UBE2N: variants seen among roughly 807,000 people sequenced by gnomAD.
The protein encoded by UBE2N is ubiquitin-conjugating enzyme E2 N.
For missense variants in UBE2N, 60 were observed against 192.1 expected (o/e 0.31, Z 4.07); for synonymous variants, 70 against 69.2 (o/e 1.01, Z -0.06).
intron 1 of UBE2N, among the ~76,000 whole-genome samples, chr12:93,436,076 A>G (rs1878926123): frequency 6.6e-6 from 1 of 152,098 alleles, no homozygotes; most frequent in African/African-American, 2.4e-5. Context: ...CTTTTTCCCA[A>G]GACTGTATTT....
At chr12:93,420,889 T>C (rs1169587505) in intron 1 of UBE2N, among the ~76,000 whole-genome samples, 1 of 152,116 alleles carries the variant, frequency 6.6e-6, no homozygotes, top group Non-Finnish European at 1.5e-5. Flanking sequence ...ATAGTCTGTG[T>C]ATATTTTCCT....
chr12:93,440,193 T>G (rs554474735), intron 1 of UBE2N, among the ~76,000 whole-genome samples: 1 of 152,206 alleles, frequency 6.6e-6, no homozygotes, highest in Non-Finnish European at 1.5e-5. Flanking sequence ...ACAAGGATAT[T>G]TGATGTATGG....
chr12:93,413,299 T>C (rs1371367804), intron 1 of UBE2N, among the ~76,000 whole-genome samples: 1 of 152,198 alleles, frequency 6.6e-6, no homozygotes, highest in African/African-American at 2.4e-5. Flanking sequence ...AGTTTCCTTG[T>C]TGGTTTCTTC....
At chr12:93,420,093 A>C (rs1362346025) in intron 1 of UBE2N, among the ~76,000 whole-genome samples, 1 of 152,246 alleles carries the variant, frequency 6.6e-6, no homozygotes, top group Non-Finnish European at 1.5e-5. Flanking sequence ...CTTAGGTGGC[A>C]GATTCAGAGA....
At chr12:93,412,810 G>C (rs977282720) in intron 1 of UBE2N, among the ~76,000 whole-genome samples, 2 of 152,246 alleles carry the variant, frequency 1.3e-5, no homozygotes, top group Non-Finnish European at 1.5e-5. Context: ...AAGAGGAACA[G>C]GCTATGACCT....
At chr12:93,429,652 C>G (rs1004107604) in intron 1 of UBE2N, among the ~76,000 whole-genome samples, 1 of 151,752 alleles carries the variant, frequency 6.6e-6, no homozygotes, top group Non-Finnish European at 1.5e-5. Context: ...CAGGAGATGA[C>G]AGCTCCATGT....
intron 1 of UBE2N, among the ~76,000 whole-genome samples, chr12:93,433,836 G>T (rs1878841864): frequency 6.6e-6 from 1 of 152,114 alleles, no homozygotes; most frequent in Non-Finnish European, 1.5e-5. Flanking sequence ...CATACAACTT[G>T]AATCTGTAGC....
At chr12:93,416,419 G>C (rs1009021950) in intron 1 of UBE2N, among the ~76,000 whole-genome samples, 6 of 151,910 alleles carry the variant, frequency 3.9e-5, no homozygotes, top group Admixed American at 3.9e-4. Flanking sequence ...AAGAAGTAAA[G>C]GGCTAAAATT....
At chr12:93,426,384 T>C (rs1252547550) in intron 1 of UBE2N, among the ~76,000 whole-genome samples, 1 of 113,514 alleles carries the variant, frequency 8.8e-6, no homozygotes, top group African/African-American at 3.8e-5. Context: ...TATGTGAAAC[T>C]GCATCCAAAA....
At chr12:93,436,006 C>T (rs974733153) in intron 1 of UBE2N, among the ~76,000 whole-genome samples, 2 of 152,126 alleles carry the variant, frequency 1.3e-5, no homozygotes, top group African/African-American at 4.8e-5. Flanking sequence ...AATTCTAATT[C>T]CAGCAGGTTG....
chr12:93,436,734 T>C (rs1878945812), intron 1 of UBE2N, among the ~76,000 whole-genome samples: 1 of 152,182 alleles, frequency 6.6e-6, no homozygotes, highest in Non-Finnish European at 1.5e-5. Context: ...GAGCTGTTAT[T>C]ACAGGTGTGA....
chr12:93,434,163 G>A (rs551916124), intron 1 of UBE2N, among the ~76,000 whole-genome samples: 5 of 152,310 alleles, frequency 3.3e-5, no homozygotes, highest in South Asian at 4.1e-4. Flanking sequence ...GTGGTGGCGC[G>A]TGCCTGTAAT....
At chr12:93,418,690 TACA>T (rs1203244487) in intron 1 of UBE2N, among the ~76,000 whole-genome samples, 5 of 151,724 alleles carry the variant, frequency 3.3e-5, no homozygotes, top group Non-Finnish European at 7.4e-5. Flanking sequence ...AGAAATATAA[TACA>T]AGCCACGTAA....
In UBE2N at chr12:93,409,828, G is replaced by C. The variant is rs1877982302; in HGVS notation, c.*211C>G. The C allele has an allele frequency of 5.3e-6, 3 of 571,260 alleles. No individual in the cohort carries two copies. The highest frequency in any genetic ancestry group is 6.3e-6 in the Non-Finnish European group (2 of 319,664). 35.4% of individuals were successfully genotyped at this position (571,260 alleles called of 1,614,324 possible). A position where few individuals can be genotyped will look rare whatever the true frequency, so the allele number is the denominator to read the frequency against. The stretch of plus-strand genomic sequence containing the variant: ...CTTTTAAACGTTTCACAACAATCCA[G>C]ATGATACTTCTAGCCTCTGCTCATG... On this transcript the variant is annotated 3_prime_UTR_variant, in exon 4 of 4. Coordinates refer to ENST00000318066, the MANE Select transcript of UBE2N (RefSeq NM_003348.4).
At chr12:93,410,614 G>A in intron 3 of UBE2N, 120 bp downstream of exon 3, 1 of 1,431,200 alleles carries the variant, frequency 7.0e-7, no homozygotes, top group East Asian at 2.3e-5. Flanking sequence ...CTATAAGCAG[G>A]ATCTCACTTA....
chr12:93,413,458 C>G (rs987852755), intron 1 of UBE2N, among the ~76,000 whole-genome samples: 1 of 152,110 alleles, frequency 6.6e-6, no homozygotes, highest in African/African-American at 2.4e-5. Context: ...TAATTCATAT[C>G]TAGCCCAGAC....
intron 1 of UBE2N, 99 bp from the exon 2 acceptor site, chr12:93,411,398 G>A: frequency 4.1e-6 from 6 of 1,468,520 alleles, no homozygotes; most frequent in Non-Finnish European, 5.5e-6. Context: ...ACGCATAATA[G>A]AACAGCTCCA....
chr12:93,418,364 A>AAAAACAAAAC (rs138198665), intron 1 of UBE2N, among the ~76,000 whole-genome samples: 7 of 151,730 alleles, frequency 4.6e-5, no homozygotes, highest in African/African-American at 1.5e-4. Flanking sequence ...CTTGTCTCTT[A>AAAAACAAAAC]AAAACAAAAC....
Position 93,408,643 on chromosome 12 carries a change from G to C in UBE2N, c.*1396C>G, listed in dbSNP as rs1430994947. 6.6e-6 allele frequency: 1 copy of C among 152,094 alleles called. No homozygotes were observed. Among genetic ancestry groups the C allele is most frequent in the Admixed American group, 6.6e-5 (1 of 15,266 alleles). 9.4% of individuals were successfully genotyped at this position (152,094 alleles called of 1,614,324 possible). A position where few individuals can be genotyped will look rare whatever the true frequency, so the allele number is the denominator to read the frequency against. On this transcript the variant is annotated 3_prime_UTR_variant, in exon 4 of 4. Coordinates refer to ENST00000318066, the MANE Select transcript of UBE2N (RefSeq NM_003348.4). Reference sequence around the variant, plus strand: ...GGTGGGAAAGAACAGTTTTGTGAGGGGAGGAATTCGTCAATAAAGAAGAAA... The same window carrying C: ...GGTGGGAAAGAACAGTTTTGTGAGGCGAGGAATTCGTCAATAAAGAAGAAA...
Sources: gnomAD v4.1 joint callset for allele counts (sites outside exome capture counted in the v4.1 genomes callset) on GRCh38, gnomAD v4.1.1 for gene constraint, MANE v1.5 for transcripts, NCBI Gene and HGNC (gene_info 2026-07-23, HGNC 2026-07-21) for gene names.